The following MAML2 variants were observed in gnomAD, a reference collection of about 807,000 sequenced individuals.
MAML2 encodes the protein mastermind-like protein 2.
A neutral mutation model predicts 96.1 loss-of-function variants in MAML2; 22 were observed. The observed-to-expected ratio is 0.23, with a 90% CI of 0.16 to 0.33. The LOEUF (loss-of-function observed/expected upper bound fraction) is 0.33. Among genes scored for constraint, MAML2 ranks in the 10% least tolerant of loss-of-function variants. The pLI is 1.00. For synonymous variants in MAML2, 561 were observed against 521.3 expected, an observed-to-expected ratio of 1.08 and a Z score of -1.04; for missense variants, 1,367 against 1,392.4, an observed-to-expected ratio of 0.98 and a Z score of 0.29.
intron 1 of MAML2, among the ~76,000 whole-genome samples, chr11:96,108,548 A>T (rs187310492): frequency 1.2e-4 from 19 of 152,348 alleles, no homozygotes; most frequent in African/African-American, 4.6e-4. Flanking sequence ...TGTAAAATAC[A>T]CATAATCATT....
chr11:96,299,744 C>A (rs533519742), intron 1 of MAML2, among the ~76,000 whole-genome samples: 1 of 152,252 alleles, frequency 6.6e-6, no homozygotes, highest in Non-Finnish European at 1.5e-5. Context: ...ACAGAAGTGC[C>A]CTGCTGCTTA....
chr11:95,980,258 G>C (rs754537139), intron 4 of MAML2, among the ~76,000 whole-genome samples: 9 of 152,110 alleles, frequency 5.9e-5, no homozygotes, highest in Non-Finnish European at 1.2e-4. Context: ...GGAGGTAATA[G>C]TCAATCTTCC....
intron 1 of MAML2, among the ~76,000 whole-genome samples, chr11:96,203,493 T>A (rs1320425031): frequency 6.6e-6 from 1 of 152,220 alleles, no homozygotes; most frequent in Non-Finnish European, 1.5e-5. Flanking sequence ...GTATTCATAA[T>A]TAACAAATTT....
chr11:96,059,608 G>T (rs1565202205), intron 2 of MAML2, among the ~76,000 whole-genome samples: 1 of 152,032 alleles, frequency 6.6e-6, no homozygotes, highest in Non-Finnish European at 1.5e-5. Context: ...CTTTTTTGGG[G>T]GTGGGGAGGA....
At chr11:96,170,433 C>G (rs915835569) in intron 1 of MAML2, among the ~76,000 whole-genome samples, 1 of 152,188 alleles carries the variant, frequency 6.6e-6, no homozygotes, top group Middle Eastern at 3.2e-3. Context: ...AAATTGGCCT[C>G]TCAGTGAGTT....
intron 2 of MAML2, among the ~76,000 whole-genome samples, chr11:95,998,314 A>C (rs751283758): frequency 6.6e-6 from 1 of 152,164 alleles, no homozygotes; most frequent in Non-Finnish European, 1.5e-5. Context: ...AAATTACAGA[A>C]ACATTCTTGA....
At position 96,289,833 on chromosome 11, in the gene MAML2, TA is replaced by T. The variant is rs538511788; in HGVS notation, c.513+51549del. On this transcript the variant is annotated intron_variant, in intron 1 of 4. Coordinates refer to ENST00000524717, the MANE Select transcript of MAML2 (RefSeq NM_032427.4). ...TTCAAAGGGGCAGAATGTTCTCTCT[TA>T]AAAAAAAATCATTTTAAAGTCTTTT... Among the ~76,000 whole-genome samples, 173 of 150,220 alleles carry T rather than the reference TA, an allele frequency of 1.2e-3. 2 individuals carry two copies. Among genetic ancestry groups the T allele is most frequent in the Non-Finnish European group, 1.7e-3 (114 of 67,058 alleles).
chr11:96,321,426 T>C (rs920469194), intron 1 of MAML2, among the ~76,000 whole-genome samples: 4 of 152,238 alleles, frequency 2.6e-5, no homozygotes, highest in African/African-American at 9.6e-5. Context: ...CTATGTGTTT[T>C]GTTACACTTG....
intron 1 of MAML2, among the ~76,000 whole-genome samples, chr11:96,268,485 CA>C (rs1470830429): frequency 6.6e-6 from 1 of 151,716 alleles, no homozygotes; most frequent in African/African-American, 2.4e-5. Context: ...TGTCTCAAAG[CA>C]AAAAAGTAAG....
At chr11:96,295,690 AC>A (rs1863285928) in intron 1 of MAML2, among the ~76,000 whole-genome samples, 1 of 151,830 alleles carries the variant, frequency 6.6e-6, no homozygotes, top group African/African-American at 2.4e-5. Flanking sequence ...TAACACACAC[AC>A]ACACACACAC....
chr11:95,983,459 A>T (rs1416731125), intron 4 of MAML2, among the ~76,000 whole-genome samples: 1 of 152,176 alleles, frequency 6.6e-6, no homozygotes, highest in Non-Finnish European at 1.5e-5. Context: ...AATTACAGCT[A>T]GATAGGAGGA....
intron 1 of MAML2, among the ~76,000 whole-genome samples, chr11:96,302,020 G>A (rs1262160342): frequency 6.6e-6 from 1 of 152,208 alleles, no homozygotes; most frequent in East Asian, 1.9e-4. Context: ...GCTAGGCATT[G>A]TGCAAAATAC....
intron 1 of MAML2, among the ~76,000 whole-genome samples, chr11:96,156,232 C>G (rs1454594822): frequency 6.6e-6 from 1 of 152,208 alleles, no homozygotes; most frequent in African/African-American, 2.4e-5. Flanking sequence ...CAACCCCCTG[C>G]AAGGACTGGA....
At chr11:96,156,580 C>T (rs543217205) in intron 1 of MAML2, among the ~76,000 whole-genome samples, 1 of 152,140 alleles carries the variant, frequency 6.6e-6, no homozygotes, top group South Asian at 2.1e-4. Context: ...CAGGATAAGG[C>T]GATTGCCTAA....
At chr11:96,236,488 A>T (rs970929956) in intron 1 of MAML2, among the ~76,000 whole-genome samples, 1 of 152,154 alleles carries the variant, frequency 6.6e-6, no homozygotes, top group Non-Finnish European at 1.5e-5. Flanking sequence ...AAATAAAGGT[A>T]TTTTGGGGTA....
chr11:96,191,719 C>G (rs184744711), intron 1 of MAML2, among the ~76,000 whole-genome samples: 13 of 148,476 alleles, frequency 8.8e-5, no homozygotes, highest in African/African-American at 3.2e-4. Context: ...TTGCAGTGAG[C>G]CGAGATCACA....
At chr11:96,113,094 G>C (rs1196001785) in intron 1 of MAML2, among the ~76,000 whole-genome samples, 2 of 149,814 alleles carry the variant, frequency 1.3e-5, no homozygotes, top group Non-Finnish European at 3.0e-5. Context: ...AAAAAAAAAG[G>C]ATAGTTTTTC....
intron 1 of MAML2, among the ~76,000 whole-genome samples, chr11:96,322,765 T>A (rs1375011437): frequency 6.6e-6 from 1 of 152,174 alleles, no homozygotes; most frequent in Non-Finnish European, 1.5e-5. Context: ...AAAGGAAATA[T>A]GTTAGGCATG....
intron 1 of MAML2, among the ~76,000 whole-genome samples, chr11:96,154,335 A>G (rs1217512018): frequency 6.6e-6 from 1 of 152,194 alleles, no homozygotes; most frequent in Non-Finnish European, 1.5e-5. Flanking sequence ...AGGGCTCCCT[A>G]TCAAATCTTG....
Sources: gnomAD v4.1 joint callset for allele counts (sites outside exome capture counted in the v4.1 genomes callset) on GRCh38, gnomAD v4.1.1 for gene constraint, MANE v1.5 for transcripts, NCBI Gene and HGNC (gene_info 2026-07-23, HGNC 2026-07-21) for gene names.